Variants in DDX11 observed in about 807,000 individuals in gnomAD.
DDX11 encodes the protein ATP-dependent DNA helicase DDX11.
Under a neutral mutation model 125.2 loss-of-function variants are expected in DDX11, and 72 were observed. The observed-to-expected ratio is 0.58, with a 90% confidence interval of 0.48 to 0.70. The LOEUF (loss-of-function observed/expected upper bound fraction) is 0.70, where lower values mean the gene tolerates loss of function less well. Ranked by LOEUF, DDX11 falls within the 30% of genes least tolerant of loss-of-function variation. DDX11 has a pLI of 0.00. For synonymous variants in DDX11, 347 were observed against 452.6 expected (o/e 0.77, Z 2.96); for missense variants, 883 against 1,165.0 (o/e 0.76, Z 3.52).
Position 31,078,449 on chromosome 12 carries a change from C to A in DDX11, c.56C>A (p.Pro19His), listed in dbSNP as rs868073588. 4 of 1,610,986 alleles carry A rather than the reference C, an allele frequency of 2.5e-6. No individual in the cohort carries two copies. The highest frequency in any genetic ancestry group is 3.4e-6 in the Non-Finnish European group (4 of 1,179,032). ...ATCCATTTTCCTTTTCCCTTCACAC[C>A]CTATTCCATCCAGGAAGACTTCATG... Reference protein sequence around the residue: ...GAIHFPFPFTPYSIQEDFMAE... With the variant: ...GAIHFPFPFTHYSIQEDFMAE... The change falls in exon 2 of 27, where the codon CCC (proline) becomes CAC (histidine). Residue 19 changes from proline to histidine, a missense_variant. By Grantham distance (77) the Pro-to-His change is moderately conservative (BLOSUM62 -2). This residue lies in a region of DDX11 where 283 missense variants were observed against 359.6 expected (regional missense o/e 0.79). Transcript: ENST00000542838.
chr12:31,090,680 A>C (rs1361356477), intron 9 of DDX11, among the ~76,000 whole-genome samples: 1 of 152,218 alleles, frequency 6.6e-6, no homozygotes, highest in Non-Finnish European at 1.5e-5. Flanking sequence ...CAGTTTCACT[A>C]TTTCCTTGCT....
intron 2 of DDX11, among the ~76,000 whole-genome samples, chr12:31,079,659 T>C (rs1260517094): frequency 5.3e-5 from 8 of 151,552 alleles, no homozygotes; most frequent in African/African-American, 1.5e-4. Context: ...TTTCAACATA[T>C]GTTTGTTTGT....
chr12:31,091,940 A>G (rs1944316457), intron 10 of DDX11, 69 bp downstream of exon 10: 16 of 1,605,254 alleles, frequency 1.0e-5, no homozygotes, highest in Non-Finnish European at 1.2e-5. Flanking sequence ...GTTCCTCCAG[A>G]CACCTGGGCC....
chr12:31,091,728 C>T lies in DDX11; in HGVS notation c.1099C>T (p.Leu367=). 1.2e-6 allele frequency: 2 copies of T among 1,612,634 alleles called. No individual in the cohort carries two copies. Among genetic ancestry groups the T allele is most frequent in the South Asian group, 2.2e-5 (2 of 90,912 alleles). ...LAIPAAQLVV[L]PYQMLLHAAT... ...TCATCTCCCCTCCCAGCTGGTGGTG[C>T]TGCCCTATCAGATGCTGCTGCATGC... The change falls in exon 10 of 27, where the codon CTG becomes TTG. Residue 367 remains leucine, a synonymous_variant. Coordinates refer to ENST00000542838, the MANE Select transcript of DDX11 (RefSeq NM_030653.4).
chr12:31,090,121 C>T (rs1368816469), intron 9 of DDX11, 27 bp downstream of exon 9: 31 of 1,548,792 alleles, frequency 2.0e-5, no homozygotes, highest in South Asian at 2.4e-5. Context: ...GCCAGAAAGC[C>T]GCTCTTGACT....
At chr12:31,100,917 T>C in intron 19 of DDX11, 110 bp from the exon 20 acceptor site, 1 of 1,157,542 alleles carries the variant, frequency 8.6e-7, no homozygotes, top group Non-Finnish European at 1.3e-6. Flanking sequence ...GGGTGAGCGC[T>C]GTCAGTCGCT....
At chr12:31,083,390 C>G (rs1942412180) in intron 2 of DDX11, among the ~76,000 whole-genome samples, 1 of 151,988 alleles carries the variant, frequency 6.6e-6, no homozygotes, top group Non-Finnish European at 1.5e-5. Flanking sequence ...CACGCACGAG[C>G]TGCACGAAGG....
chr12:31,093,290 G>A lies in DDX11; in HGVS notation c.1335G>A (p.Leu445=). 6.2e-7 allele frequency: 1 copy of A among 1,613,698 alleles called. No homozygotes were observed. The highest frequency in any genetic ancestry group is 1.1e-5 in the South Asian group (1 of 91,028). ...ACCTGATGTACCTGAAGCAGATCCT[G>A]TATTTGCTGGAGAAATTCGTGGCTG... The part of the protein sequence containing the change: ...AKNLMYLKQI[L]YLLEKFVAVL... Residue 445 remains leucine (L), a synonymous_variant, in exon 12 of 27, where the codon CTG becomes CTA. Coordinates refer to ENST00000542838, the MANE Select transcript of DDX11 (RefSeq NM_030653.4).
chr12:31,093,270 A>G lies in DDX11; in HGVS notation c.1315A>G (p.Met439Val). The change falls in exon 12 of 27, where the codon ATG becomes GTG. Residue 439 changes from methionine (M) to valine (V), a missense_variant. Transcript: ENST00000542838. ...YGKRLKAKNLMYLKQILYLLE... is the reference protein window; with the variant it reads ...YGKRLKAKNLVYLKQILYLLE... ...GAAGCGTTTGAAGGCCAAGAACCTG[A>G]TGTACCTGAAGCAGATCCTGTATTT... 1 of 1,613,140 alleles carries G rather than the reference A, an allele frequency of 6.2e-7. No homozygotes were observed. Among genetic ancestry groups the G allele is most frequent in the East Asian group, 2.2e-5 (1 of 44,870 alleles).
intron 2 of DDX11, among the ~76,000 whole-genome samples, chr12:31,082,577 G>T (rs1942176420): frequency 6.6e-6 from 1 of 152,018 alleles, no homozygotes; most frequent in South Asian, 2.1e-4. Flanking sequence ...GGTTCAGCAG[G>T]CTCAGAGAGC....
At chr12:31,089,363 G>C (rs747601638) in intron 7 of DDX11, 40 bp from the exon 8 acceptor site, 2 of 1,605,758 alleles carry the variant, frequency 1.2e-6, no homozygotes, top group African/African-American at 2.7e-5. Flanking sequence ...TCATTTAGCT[G>C]GCACCATCTT....
chr12:31,103,528 A>C (rs767504469), intron 25 of DDX11, 49 bp from the exon 26 acceptor site: 1 of 1,613,442 alleles, frequency 6.2e-7, no homozygotes, highest in Non-Finnish European at 8.5e-7. Context: ...AATGTGCTGT[A>C]GGGGGGAGGC....
chr12:31,103,527 T>C (rs931034860), intron 25 of DDX11, 50 bp from the exon 26 acceptor site: 21 of 1,613,464 alleles, frequency 1.3e-5, no homozygotes, highest in Non-Finnish European at 1.6e-5. Context: ...GAATGTGCTG[T>C]AGGGGGGAGG....
Position 31,103,565 on chromosome 12 carries a change from G to C in DDX11, c.2537-12G>C, listed in dbSNP as rs552592942. ...GGTGTTGCTCGGAGCCCCAGCCTCT[G>C]TTCCTATGCAGGCAGGGCCATCAGG... On this transcript the variant is annotated splice_polypyrimidine_tract_variant and intron_variant, in intron 25 of 26. Coordinates refer to ENST00000542838, the MANE Select transcript of DDX11 (RefSeq NM_030653.4). The C allele has an allele frequency of 5.0e-6, 8 of 1,613,930 alleles. No homozygotes were observed. The South Asian group carries it at 6.6e-5, about 13-fold the overall frequency.
intron 1 of DDX11, among the ~76,000 whole-genome samples, chr12:31,076,370 CTGCCT>C (rs1417366347): frequency 6.6e-6 from 1 of 152,208 alleles, no homozygotes; most frequent in African/African-American, 2.4e-5. Context: ...GAAGTCCGAG[CTGCCT>C]TGCAGCTTGT....
At chr12:31,083,688 T>C (rs1942463408) in intron 2 of DDX11, 125 bp from the exon 3 acceptor site, 1 of 1,255,026 alleles carries the variant, frequency 8.0e-7, no homozygotes, top group Non-Finnish European at 1.2e-6. Flanking sequence ...TTTCCTAGGC[T>C]GGTCTTAGAG....
At chr12:31,094,710 G>T in intron 13 of DDX11, 45 bp from the exon 14 acceptor site, 2 of 1,589,886 alleles carry the variant, frequency 1.3e-6, no homozygotes, top group South Asian at 2.2e-5. Context: ...TGAAACCTGA[G>T]GCTTAGGGTG....
At chr12:31,099,523 A>T (rs895096893) in intron 18 of DDX11, among the ~76,000 whole-genome samples, 5 of 150,802 alleles carry the variant, frequency 3.3e-5, no homozygotes, top group Non-Finnish European at 7.4e-5. Flanking sequence ...TTTTGAAATC[A>T]TAGTACCAAT....
At chr12:31,093,214 C>T (rs1364185098) in intron 11 of DDX11, 31 bp from the exon 12 acceptor site, 1 of 1,599,628 alleles carries the variant, frequency 6.3e-7, no homozygotes, top group African/African-American at 1.3e-5. Context: ...ATCAGGGCAC[C>T]ACCACTTAAT....
Sources: allele counts gnomAD v4.1 joint callset (sites outside exome capture counted in the v4.1 genomes callset), GRCh38; gene constraint gnomAD v4.1.1; regional missense constraint gnomAD v4.1.1; transcripts MANE v1.5; gene names NCBI Gene and HGNC (gene_info 2026-07-23, HGNC 2026-07-21).